Variants in HELB observed in about 807,000 individuals in gnomAD.
HELB encodes DNA 5'-3' helicase B.
In HELB, 96 loss-of-function variants were observed where a neutral mutation model predicts 101.7. The ratio of observed to expected loss-of-function variants is 0.94; its 90% CI spans 0.80 to 1.12. The LOEUF (loss-of-function observed/expected upper bound fraction) is 1.12. Among genes scored for constraint, HELB ranks in the 50% most tolerant of loss-of-function variants. The pLI, the probability that HELB is intolerant of heterozygous loss-of-function variation, is 0.00. For synonymous variants in HELB, 437 were observed against 459.7 expected, an observed-to-expected ratio of 0.95 and a Z score of 0.63; for missense variants, 1,210 against 1,291.9, an observed-to-expected ratio of 0.94 and a Z score of 0.97.
intron 4 of HELB, among the ~76,000 whole-genome samples, chr12:66,312,150 A>G (rs1477886466): frequency 6.6e-6 from 1 of 152,158 alleles, no homozygotes; most frequent in Non-Finnish European, 1.5e-5. Context: ...TGTTATCTCC[A>G]CATTTACAGA....
chr12:66,330,286 C>T (rs985800788), intron 11 of HELB, among the ~76,000 whole-genome samples: 3 of 151,922 alleles, frequency 2.0e-5, no homozygotes, highest in African/African-American at 4.8e-5. Flanking sequence ...TGTTAAAAGA[C>T]AAAGGTTCAT....
intron 7 of HELB, among the ~76,000 whole-genome samples, chr12:66,319,007 G>A (rs991589348): frequency 6.6e-6 from 1 of 152,132 alleles, no homozygotes; most frequent in African/African-American, 2.4e-5. Context: ...TAAATGCTCA[G>A]TAAATTTTGT....
rs780857773 is a variant in HELB, at chr12:66,310,255, G to A, written c.1327G>A (p.Val443Ile). 1.2e-6 allele frequency: 2 copies of A among 1,614,114 alleles called. No individual in the cohort carries two copies. The highest frequency in any genetic ancestry group is 2.2e-5 in the South Asian group (2 of 91,090). ...TGAAATTAATGCAGAAATAAGTGAAGTTCAGCTGGATCAGGATCAGGTTGA... is the reference window on the plus strand; with the variant it reads ...TGAAATTAATGCAGAAATAAGTGAAATTCAGCTGGATCAGGATCAGGTTGA... ...ENEINAEISE[V>I]QLDQDQVEVP... The change falls in exon 4 of 13, where the codon GTT (valine) becomes ATT (isoleucine). Residue 443 changes from valine to isoleucine, a missense_variant. By Grantham distance (29) the Val-to-Ile change is conservative (BLOSUM62 3). Transcript: ENST00000247815.
chr12:66,331,028 A>G, intron 11 of HELB, 126 bp from the exon 12 acceptor site: 3 of 1,040,178 alleles, frequency 2.9e-6, no homozygotes, highest in Non-Finnish European at 4.2e-6. Context: ...AAATGGACAC[A>G]TAATAATAGT....
chr12:66,324,086 C>T lies in HELB; in HGVS notation c.2401C>T (p.Gln801Ter). ...ACCTGAAAATATCTCTGGAAGTCAG[C>T]AAAATAATGATCTAGATGCCAGTAG... Reference protein sequence around the residue: ...LLPENISGSQQNNDLDASSED... With the variant: ...LLPENISGSQ Residue 801 changes from glutamine to a stop codon, truncating the protein, a stop_gained, in exon 10 of 13, where the codon CAA (glutamine) becomes TAA (stop). Coordinates refer to ENST00000247815, the MANE Select transcript of HELB (RefSeq NM_001370285.1). LOFTEE classifies it high-confidence loss of function. 1 of 1,613,456 alleles carries T rather than the reference C, an allele frequency of 6.2e-7. No homozygotes were observed. The highest frequency in any genetic ancestry group is 8.5e-7 in the Non-Finnish European group (1 of 1,179,602).
chr12:66,325,127 G>T lies in HELB; in HGVS notation c.2670+1G>T, dbSNP rs895720031. 6.3e-7 allele frequency: 1 copy of T among 1,579,506 alleles called. No individual in the cohort carries two copies. Among genetic ancestry groups the T allele is most frequent in the Non-Finnish European group, 8.7e-7 (1 of 1,153,312 alleles). ...GGCAAGAACTATTCACACTTTTCAG[G>T]TAAGAGGAGACTTTTATCAAACCTT... On this transcript the variant is annotated splice_donor_variant, in intron 11 of 12. Coordinates refer to ENST00000247815, the MANE Select transcript of HELB (RefSeq NM_001370285.1). LOFTEE classifies it high-confidence loss of function.
intron 11 of HELB, among the ~76,000 whole-genome samples, chr12:66,327,066 A>AAAAAAAT (rs2053749764): frequency 6.4e-5 from 3 of 46,812 alleles, no homozygotes; most frequent in Admixed American, 3.9e-4. Flanking sequence ...AAAAAAAAAA[A>AAAAAAAT]ATATATATAT....
rs1292499753 is a variant in HELB, at chr12:66,310,203, T to G, written c.1275T>G (p.Gly425=). 1 of 1,614,144 alleles carries G rather than the reference T, an allele frequency of 6.2e-7. No individual in the cohort carries two copies. Among genetic ancestry groups the G allele is most frequent in the Non-Finnish European group, 8.5e-7 (1 of 1,180,022 alleles). The change falls in exon 4 of 13, where the codon GGT becomes GGG. Residue 425 remains glycine, a synonymous_variant. Transcript: ENST00000247815. ...ATGTTGTGGACACACAGGACAATGG[T>G]GACCATATTTGGACTAATGGTGAAA... ...PVDVVDTQDN[G]DHIWTNGENE... is the part of the protein sequence containing the mutation.
chr12:66,333,021 A>C (rs2053826620), intron 12 of HELB, among the ~76,000 whole-genome samples: 1 of 151,844 alleles, frequency 6.6e-6, no homozygotes, highest in African/African-American at 2.4e-5. Context: ...TCTCCTTCTC[A>C]TTCAGCATTT....
chr12:66,330,655 T>TTA (rs776082587), intron 11 of HELB, among the ~76,000 whole-genome samples: 5 of 148,220 alleles, frequency 3.4e-5, no homozygotes, highest in Non-Finnish European at 7.4e-5. Context: ...TGTGTATATA[T>TTA]TATATATATA....
chr12:66,337,632 A>G (rs2053880764), intron 12 of HELB, among the ~76,000 whole-genome samples: 3 of 152,186 alleles, frequency 2.0e-5, no homozygotes, highest in African/African-American at 7.2e-5. Flanking sequence ...AAAAAAAAAA[A>G]AAAGTTCTGT....
At chr12:66,329,977 G>A (rs2053786601) in intron 11 of HELB, among the ~76,000 whole-genome samples, 1 of 152,152 alleles carries the variant, frequency 6.6e-6, no homozygotes, top group Admixed American at 6.5e-5. Flanking sequence ...TACAATCTGA[G>A]GAGCTGCTTC....
Position 66,335,867 on chromosome 12 carries a change from C to T in HELB, c.3163-2134C>T, listed in dbSNP as rs1555168098. ...TTCCAAGCTGATCACCTCATGCCATCCTCTCTCTCTTCTTATTATAATCCA... is the reference window on the plus strand; with the variant it reads ...TTCCAAGCTGATCACCTCATGCCATTCTCTCTCTCTTCTTATTATAATCCA... On this transcript the variant is annotated intron_variant, in intron 12 of 12. Transcript: ENST00000247815. 5.3e-5 allele frequency among the ~76,000 whole-genome samples: 8 copies of T among 152,134 alleles called. 1 individual carries two copies. The highest frequency in any genetic ancestry group is 1.9e-4 in the East Asian group (1 of 5,192).
chr12:66,313,296 G>A (rs2053564326), intron 4 of HELB, among the ~76,000 whole-genome samples: 1 of 152,056 alleles, frequency 6.6e-6, no homozygotes, highest in Admixed American at 6.5e-5. Flanking sequence ...TGTTTCCTTT[G>A]AGTGTTATGT....
At chr12:66,337,894 G>A in intron 12 of HELB, 107 bp from the exon 13 acceptor site, 1 of 655,854 alleles carries the variant, frequency 1.5e-6, no homozygotes, top group South Asian at 1.9e-5. Context: ...TCAAGGGTTG[G>A]GGAAGGTGCA....
chr12:66,313,837 C>A, intron 4 of HELB, 149 bp from the exon 5 acceptor site: 1 of 655,366 alleles, frequency 1.5e-6, no homozygotes, highest in Non-Finnish European at 2.7e-6. Context: ...TCTGTCTGTT[C>A]TGCATATTCA....
chr12:66,322,753 G>A lies in HELB; in HGVS notation c.2267G>A (p.Cys756Tyr), dbSNP rs775561366. Reference protein sequence around the residue: ...RQDCDLINDCCCKHYTGHLTK... With the variant: ...RQDCDLINDCYCKHYTGHLTK... ...GACTGTGATCTAATTAATGACTGCT[G>A]CTGCAAACACTACACAGGCCACCTC... The change falls in exon 9 of 13, where the codon TGC becomes TAC. Residue 756 changes from cysteine (C) to tyrosine (Y), a missense_variant. This residue lies in a region of HELB where 740 missense variants were observed against 728.8 expected (regional missense o/e 1.02). Transcript: ENST00000247815. 3.1e-6 allele frequency: 5 copies of A among 1,610,768 alleles called. No individual in the cohort carries two copies. The highest frequency in any genetic ancestry group is 4.2e-6 in the Non-Finnish European group (5 of 1,178,522).
In HELB at chr12:66,325,103, G is replaced by A. The variant is rs745819321; in HGVS notation, c.2647G>A (p.Ala883Thr). The A allele has an allele frequency of 2.5e-6, 4 of 1,610,824 alleles. No individual in the cohort carries two copies. In the South Asian group the frequency reaches 4.4e-5, roughly 18 times the overall value. ...MKYCRIKHAW[A>T]RTIHTFQGSE... is the part of the protein sequence containing the mutation. ...ATATTGTCGCATAAAACATGCATGG[G>A]CAAGAACTATTCACACTTTTCAGGT... The change falls in exon 11 of 13, where the codon GCA becomes ACA. Residue 883 changes from alanine to threonine, a missense_variant. Around this residue, in one of 2 missense-constraint regions of HELB, gnomAD observed 740 missense variants for 728.8 expected, o/e 1.02. Transcript: ENST00000247815.
intron 12 of HELB, 60 bp from the exon 13 acceptor site, chr12:66,337,941 G>T: frequency 1.1e-6 from 1 of 948,448 alleles, no homozygotes; most frequent in Non-Finnish European, 1.7e-6. Flanking sequence ...ATACAAGTAC[G>T]TAGGGTAGAC....
Sources: allele counts gnomAD v4.1 joint callset (sites outside exome capture counted in the v4.1 genomes callset), GRCh38; gene constraint gnomAD v4.1.1; regional missense constraint gnomAD v4.1.1; transcripts MANE v1.5; gene names NCBI Gene and HGNC (gene_info 2026-07-23, HGNC 2026-07-21).